Variants in FAT3 observed in about 807,000 individuals in gnomAD.
FAT3 encodes the protein FAT atypical cadherin 3, also known as protocadherin Fat 3.
In FAT3, 95 loss-of-function variants were observed where a neutral mutation model predicts 310.2. The observed-to-expected ratio is 0.31, with a 90% confidence interval of 0.26 to 0.36. The LOEUF is 0.36. FAT3 is among the 10% of genes least tolerant of loss of function. The probability of loss-of-function intolerance (pLI) is 1.00; values close to 1 mark genes in which losing one functional copy is unlikely to be tolerated. For missense variants in FAT3, 5,408 were observed against 5,715.6 expected (o/e 0.95, Z 1.74); for synonymous variants, 2,314 against 2,192.9 (o/e 1.06, Z -1.54).
chr11:92,887,243 C>T (rs928276534), intron 25 of FAT3, 130 bp downstream of exon 25: 30 of 756,414 alleles, frequency 4.0e-5, no homozygotes. Flanking sequence ...GCGTGTTCAC[C>T]AGGTCCCTGG....
intron 4 of FAT3, among the ~76,000 whole-genome samples, 162 bp downstream of exon 4, chr11:92,697,607 T>C (rs563772749): frequency 6.6e-6 from 1 of 152,360 alleles, no homozygotes; most frequent in East Asian, 1.9e-4. Context: ...TTCTAGTGTG[T>C]TCTTCCCAAC....
At chr11:92,581,389 C>T (rs1404793018) in intron 3 of FAT3, among the ~76,000 whole-genome samples, 3 of 151,504 alleles carry the variant, frequency 2.0e-5, no homozygotes, top group African/African-American at 7.3e-5. Context: ...ACTGATCCCC[C>T]ACTGGGGTTT....
At chr11:92,394,657 C>T (rs1949824023) in intron 2 of FAT3, among the ~76,000 whole-genome samples, 1 of 151,186 alleles carries the variant, frequency 6.6e-6, no homozygotes, top group African/African-American at 2.4e-5. Flanking sequence ...AAAAAAAAAA[C>T]TTTATCAAAA....
intron 3 of FAT3, among the ~76,000 whole-genome samples, chr11:92,553,607 T>C (rs1417222474): frequency 6.6e-6 from 1 of 152,156 alleles, no homozygotes; most frequent in Admixed American, 6.5e-5. Flanking sequence ...TTGGCCACAC[T>C]GGGAGCAGAC....
chr11:92,490,662 A>T (rs1008752103), intron 2 of FAT3, among the ~76,000 whole-genome samples: 1 of 152,114 alleles, frequency 6.6e-6, no homozygotes, highest in Non-Finnish European at 1.5e-5. Context: ...TGGATGTTGC[A>T]TTGAAGGAAA....
intron 2 of FAT3, among the ~76,000 whole-genome samples, chr11:92,490,974 C>T (rs1021567871): frequency 6.6e-5 from 10 of 151,964 alleles, no homozygotes; most frequent in African/African-American, 2.4e-4. Flanking sequence ...TCATCATTTC[C>T]TTGACCTCGG....
At chr11:92,348,650 A>G (rs1004976559) in intron 1 of FAT3, among the ~76,000 whole-genome samples, 13 of 152,212 alleles carry the variant, frequency 8.5e-5, no homozygotes, top group Non-Finnish European at 1.5e-4. Flanking sequence ...AACTAATTCA[A>G]TTGAAGCGTG....
At chr11:92,575,468 A>G (rs7111159) in intron 3 of FAT3, among the ~76,000 whole-genome samples, 1,781 of 152,276 alleles carry the variant, frequency 0.012, 37 homozygotes, top group African/African-American at 0.04. Context: ...GTCTTTTATA[A>G]CTTCAACTTC....
At chr11:92,793,766 G>A (rs988823503) in intron 9 of FAT3, among the ~76,000 whole-genome samples, 3 of 152,080 alleles carry the variant, frequency 2.0e-5, no homozygotes, top group African/African-American at 4.8e-5. Flanking sequence ...TGCAACTTAT[G>A]TCTGTCGTGA....
chr11:92,605,751 A>T (rs1307571630), intron 3 of FAT3, among the ~76,000 whole-genome samples: 7 of 127,488 alleles, frequency 5.5e-5, no homozygotes, highest in Non-Finnish European at 9.7e-5. Context: ...TTTACAAATG[A>T]GATTTGGGGA....
chr11:92,626,512 T>C (rs1941343952), intron 3 of FAT3, among the ~76,000 whole-genome samples: 1 of 152,056 alleles, frequency 6.6e-6, no homozygotes, highest in Admixed American at 6.6e-5. Flanking sequence ...TTGATGCTTT[T>C]CTTAGTGAGT....
At chr11:92,603,165 C>T (rs1020695168) in intron 3 of FAT3, among the ~76,000 whole-genome samples, 1 of 152,142 alleles carries the variant, frequency 6.6e-6, no homozygotes, top group Non-Finnish European at 1.5e-5. Context: ...ACTGGGCTTC[C>T]AAGTCATTAG....
At chr11:92,631,305 T>G (rs1941549001) in intron 3 of FAT3, among the ~76,000 whole-genome samples, 1 of 152,186 alleles carries the variant, frequency 6.6e-6, no homozygotes, top group Admixed American at 6.5e-5. Context: ...ACCATGACAG[T>G]CTTCTCACTG....
intron 1 of FAT3, among the ~76,000 whole-genome samples, chr11:92,300,122 C>T (rs146976927): frequency 6.6e-6 from 1 of 152,152 alleles, no homozygotes; most frequent in Non-Finnish European, 1.5e-5. Flanking sequence ...CCAATTAACA[C>T]AATTAAGTGC....
chr11:92,885,249 A>G (rs549478336), intron 24 of FAT3, among the ~76,000 whole-genome samples: 3 of 152,324 alleles, frequency 2.0e-5, no homozygotes, highest in Non-Finnish European at 4.4e-5. Context: ...TGTGTGTTGC[A>G]TCATCTCCTT....
intron 1 of FAT3, among the ~76,000 whole-genome samples, chr11:92,298,199 G>A (rs973277964): frequency 6.6e-6 from 1 of 152,030 alleles, no homozygotes; most frequent in Non-Finnish European, 1.5e-5. Context: ...TCTTTCAAAG[G>A]GATCTAATAA....
At chr11:92,602,230 C>T (rs187526661) in intron 3 of FAT3, among the ~76,000 whole-genome samples, 109 of 152,126 alleles carry the variant, frequency 7.2e-4, no homozygotes, top group African/African-American at 2.1e-3. Flanking sequence ...TCTGCCACCA[C>T]GCCCGGCTAA....
chr11:92,488,898 C>T (rs1244873570), intron 2 of FAT3, among the ~76,000 whole-genome samples: 1 of 152,044 alleles, frequency 6.6e-6, no homozygotes, highest in African/African-American at 2.4e-5. Flanking sequence ...TCTATGTCTC[C>T]ATTTCCTCAA....
chr11:92,701,535 T>C (rs1240068374), intron 4 of FAT3, among the ~76,000 whole-genome samples: 1 of 152,210 alleles, frequency 6.6e-6, no homozygotes, highest in Admixed American at 6.5e-5. Flanking sequence ...TGTTAACTCT[T>C]GCCTGGTTTG....
Sources: allele counts gnomAD v4.1 joint callset (sites outside exome capture counted in the v4.1 genomes callset), GRCh38; gene constraint gnomAD v4.1.1; transcripts MANE v1.5; gene names NCBI Gene and HGNC (gene_info 2026-07-23, HGNC 2026-07-21).